AFDN: variants seen among roughly 807,000 people sequenced by gnomAD.
The protein encoded by AFDN is afadin.
AFDN carries 68 observed loss-of-function variants against 216.6 expected under a neutral mutation model. The ratio of observed to expected loss-of-function variants is 0.31; its 90% CI spans 0.26 to 0.38. AFDN has a LOEUF of 0.38. Ranked by LOEUF, AFDN falls within the 10% of genes least tolerant of loss-of-function variation. The probability of loss-of-function intolerance (pLI) is 1.00; values close to 1 mark genes in which losing one functional copy is unlikely to be tolerated. For synonymous variants in AFDN, 868 were observed against 853.7 expected (o/e 1.02, Z -0.29); for missense variants, 2,136 against 2,342.0 (o/e 0.91, Z 1.82).
chr6:167,890,746 G>C (rs941324017), intron 7 of AFDN, 116 bp from the exon 8 acceptor site: 1 of 924,274 alleles, frequency 1.1e-6, no homozygotes, highest in African/African-American at 1.7e-5. Flanking sequence ...TTCCTTGGCA[G>C]ATGTTCCTAA....
chr6:167,829,672 T>G (rs1779614465), intron 1 of AFDN, among the ~76,000 whole-genome samples: 2 of 152,076 alleles, frequency 1.3e-5, no homozygotes, highest in South Asian at 4.1e-4. Flanking sequence ...GTGGGTTTTC[T>G]TTTGTTGTTT....
chr6:167,954,551 T>C (rs1796312238), intron 30 of AFDN: 9 of 1,500,942 alleles, frequency 6.0e-6, no homozygotes, highest in Non-Finnish European at 8.2e-6. Flanking sequence ...TTCTTTTCTT[T>C]CAGTGGTGGC....
chr6:167,911,389 T>G lies in AFDN; in HGVS notation c.1937T>G (p.Leu646Trp). 3 of 1,614,172 alleles carry G rather than the reference T, an allele frequency of 1.9e-6. No homozygotes were observed. The South Asian group carries it at 3.3e-5, about 18-fold the overall frequency. ...YVLYMACRYV[L>W]SNQYRPDISP... The stretch of plus-strand genomic sequence containing the variant: ...TTATATATGGCATGCCGGTATGTAT[T>G]GTCCAACCAGTACAGACCTGACATC... Residue 646 changes from leucine to tryptophan, a missense_variant, in exon 15 of 34, where the codon TTG becomes TGG. Leu to Trp is a moderately conservative substitution (Grantham distance 61). Around this residue, in one of 8 missense-constraint regions of AFDN, gnomAD observed 817 missense variants for 965.7 expected, o/e 0.85. Transcript: ENST00000683244.
rs898671319 is a variant in AFDN, at chr6:167,950,656, G to A, written c.3832-530G>A. Among the ~76,000 whole-genome samples, 19 of 152,024 alleles carry A rather than the reference G, an allele frequency of 1.2e-4. 1 individual carries two copies. In the East Asian group the frequency reaches 1.3e-3, roughly 11 times the overall value. The stretch of plus-strand genomic sequence containing the variant: ...CATGGTTAAGATTTAATAATCACTC[G>A]TCATAGTAATTAGAGAAGTACCTGT... On this transcript the variant is annotated intron_variant, in intron 29 of 33. Transcript: ENST00000683244.
At chr6:167,939,755 A>G (rs749335842) in intron 23 of AFDN, among the ~76,000 whole-genome samples, 7 of 152,206 alleles carry the variant, frequency 4.6e-5, no homozygotes, top group Non-Finnish European at 8.8e-5. Context: ...ATGAGGGATT[A>G]CCTGATTTAA....
chr6:167,878,607 G>C (rs112983686), intron 5 of AFDN, among the ~76,000 whole-genome samples: 146 of 149,052 alleles, frequency 9.8e-4, no homozygotes, highest in Admixed American at 1.9e-3. Context: ...CTCTCTCTCT[G>C]TCTCTCTCTC....
chr6:167,834,457 G>GTTTTTTTT (rs11446838), intron 1 of AFDN, among the ~76,000 whole-genome samples: 15 of 75,248 alleles, frequency 2.0e-4, no homozygotes, highest in South Asian at 6.4e-4. Context: ...TGTTGTTTCG[G>GTTTTTTTT]TTTTTTTTTT....
intron 1 of AFDN, among the ~76,000 whole-genome samples, chr6:167,858,582 A>G (rs145099751): frequency 3.3e-5 from 5 of 152,366 alleles, no homozygotes; most frequent in Middle Eastern, 3.4e-3. Context: ...TACTTCTAGT[A>G]CAGTGGTTGG....
intron 1 of AFDN, among the ~76,000 whole-genome samples, chr6:167,838,989 C>T (rs1253964402): frequency 1.3e-5 from 2 of 152,124 alleles, no homozygotes; most frequent in South Asian, 2.1e-4. Flanking sequence ...TTTAATGTAG[C>T]GTTTGCCTTT....
In AFDN at chr6:167,970,019, G is replaced by T; in HGVS notation, c.*84G>T. ...AGGTGCGAGTTTGAAGAGGAAAAGAGGAAGGGGGTTATATTTCTAAGTGAT... is the reference window on the plus strand; with the variant it reads ...AGGTGCGAGTTTGAAGAGGAAAAGATGAAGGGGGTTATATTTCTAAGTGAT... On this transcript the variant is annotated 3_prime_UTR_variant, in exon 34 of 34. Coordinates refer to ENST00000683244, the MANE Select transcript of AFDN (RefSeq NM_001386888.1). 9.4e-7 allele frequency: 1 copy of T among 1,061,848 alleles called. No individual in the cohort carries two copies. Among genetic ancestry groups the T allele is most frequent in the Non-Finnish European group, 1.3e-6 (1 of 750,012 alleles). 65.8% of individuals were successfully genotyped at this position (1,061,848 alleles called of 1,614,324 possible).
Position 167,913,995 on chromosome 6 carries a change from C to T in AFDN, c.2059-173C>T, listed in dbSNP as rs1385517357. 16 of 573,162 alleles carry T rather than the reference C, an allele frequency of 2.8e-5. No homozygotes were observed. The East Asian group carries it at 4.4e-4, about 16-fold the overall frequency. The allele number at this position is 573,162 out of a possible 1,614,324, so 35.5% of individuals were successfully genotyped here. A position where few individuals can be genotyped will look rare whatever the true frequency, so the allele number is the denominator to read the frequency against. ...ATAGTTGCAGTGGTTATTTACTTCC[C>T]ATTGCTATGTATGCACCCAAATTAT... On this transcript the variant is annotated intron_variant, in intron 16 of 33. Transcript: ENST00000683244.
At position 167,940,992 on chromosome 6, in the gene AFDN, G is replaced by C. The variant is rs1251598654; in HGVS notation, c.3100-2137G>C. Among the ~76,000 whole-genome samples, 5 of 7,834 alleles carry C rather than the reference G, an allele frequency of 6.4e-4. 1 individual carries two copies. Among genetic ancestry groups the C allele is most frequent in the Admixed American group, 1.7e-3 (2 of 1,176 alleles). 5.1% of individuals were successfully genotyped at this position (7,834 alleles called of 152,430 possible). ...GAGGGTGGAAACCATCCACAGGAGA[G>C]ATGTGTGGACAGACACAGAGGGATG... On this transcript the variant is annotated intron_variant, in intron 23 of 33. Coordinates refer to ENST00000683244, the MANE Select transcript of AFDN (RefSeq NM_001386888.1).
intron 1 of AFDN, among the ~76,000 whole-genome samples, chr6:167,854,992 A>T (rs1328409158): frequency 1.3e-5 from 2 of 151,970 alleles, no homozygotes; most frequent in African/African-American, 4.8e-5. Context: ...TTCAGAAGAA[A>T]ATAAGCAAAA....
chr6:167,951,915 G>A lies in AFDN; in HGVS notation c.4561G>A (p.Asp1521Asn). 5.0e-6 allele frequency: 8 copies of A among 1,614,040 alleles called. No homozygotes were observed. Among genetic ancestry groups the A allele is most frequent in the South Asian group, 1.1e-5 (1 of 91,060 alleles). ...ELSSGDSLSPDPWKRDAKEKL... is the reference protein window; with the variant it reads ...ELSSGDSLSPNPWKRDAKEKL... ...TTCCTCGGGGGACAGTCTGTCCCCC[G>A]ACCCGTGGAAGCGGGACGCCAAGGA... Residue 1521 changes from aspartate to asparagine, a missense_variant, in exon 30 of 34, where the codon GAC (aspartate) becomes AAC (asparagine). Around this residue, in one of 8 missense-constraint regions of AFDN, gnomAD observed 981 missense variants for 966.0 expected, o/e 1.02. Transcript: ENST00000683244. The surrounding 1 kb of genome is among the most constrained non-coding windows in gnomAD (Gnocchi z 7.1).
chr6:167,959,307 CTG>C (rs1170884236), intron 30 of AFDN, among the ~76,000 whole-genome samples: 2 of 152,194 alleles, frequency 1.3e-5, no homozygotes, highest in Non-Finnish European at 2.9e-5. Context: ...ATGGTTTTTC[CTG>C]TGTCATTTAA....
In AFDN at chr6:167,870,506, C is replaced by T; in HGVS notation, c.414+8C>T. 2 of 1,560,330 alleles carry T rather than the reference C, an allele frequency of 1.3e-6. No homozygotes were observed. The highest frequency in any genetic ancestry group is 1.8e-6 in the Non-Finnish European group (2 of 1,137,408). On this transcript the variant is annotated splice_region_variant and intron_variant, in intron 3 of 33. Coordinates refer to ENST00000683244, the MANE Select transcript of AFDN (RefSeq NM_001386888.1). ...GACGCCATTCCTCCTAAGGTAGGAACCCTCAGTATTTTATGACGGTCTTGG... is the reference window on the plus strand; with the variant it reads ...GACGCCATTCCTCCTAAGGTAGGAATCCTCAGTATTTTATGACGGTCTTGG...
At chr6:167,839,835 T>A (rs1356179493) in intron 1 of AFDN, among the ~76,000 whole-genome samples, 2 of 152,126 alleles carry the variant, frequency 1.3e-5, no homozygotes, top group Non-Finnish European at 2.9e-5. Flanking sequence ...ATTTGGGTGG[T>A]GGGAATCAGG....
intron 26 of AFDN, among the ~76,000 whole-genome samples, chr6:167,946,308 C>T (rs532829253): frequency 3.3e-5 from 5 of 152,170 alleles, no homozygotes; most frequent in African/African-American, 4.8e-5. Context: ...CCGCCAGGAG[C>T]GGAAGGCTCA....
At chr6:167,932,744 G>C (rs1352749302) in intron 23 of AFDN, 1 of 152,208 alleles carries the variant, frequency 6.6e-6, no homozygotes, top group Non-Finnish European at 1.5e-5. Flanking sequence ...TCTGTTGTTG[G>C]AAGAACACAG....
Sources: gnomAD v4.1 joint callset for allele counts (sites outside exome capture counted in the v4.1 genomes callset) on GRCh38, gnomAD v4.1.1 for gene constraint, gnomAD v4.1.1 regional missense constraint, Gnocchi (gnomAD v3.1) non-coding constraint, MANE v1.5 for transcripts, NCBI Gene and HGNC (gene_info 2026-07-23, HGNC 2026-07-21) for gene names.